Variants in ANO2 observed in about 807,000 individuals in gnomAD.
The protein encoded by ANO2 is anoctamin-2.
ANO2 carries 101 observed loss-of-function variants against 124.2 expected under a neutral mutation model. The ratio of observed to expected loss-of-function variants is 0.81; its 90% CI spans 0.69 to 0.96. The LOEUF is 0.96. Ranked by LOEUF, ANO2 falls within the 40% of genes least tolerant of loss-of-function variation. The pLI is 0.00. For synonymous variants in ANO2, 486 were observed against 482.5 expected, an observed-to-expected ratio of 1.01 and a Z score of -0.09; for missense variants, 1,293 against 1,274.5, an observed-to-expected ratio of 1.01 and a Z score of -0.22.
Position 5,635,625 on chromosome 12 carries a change from A to ACACACG in ANO2, c.1621-279_1621-278insCGTGTG. ...CACACACACACACACACACACACAC[A>ACACACG]CACAATAAGGATGAACATGCTGGAC... On this transcript the variant is annotated intron_variant, in intron 15 of 24. Coordinates refer to ENST00000682330, the MANE Select transcript of ANO2 (RefSeq NM_001364791.2). This position sits in a 1 kb window ranked among gnomAD's most constrained non-coding sequence, Gnocchi z 5.2. Among the ~76,000 whole-genome samples the ACACACG allele has an allele frequency of 6.6e-6, 1 of 151,740 alleles. No homozygotes were observed. The highest frequency in any genetic ancestry group is 2.1e-4 in the South Asian group (1 of 4,792).
At chr12:5,916,611 A>G (rs1404366851) in intron 3 of ANO2, among the ~76,000 whole-genome samples, 2 of 151,976 alleles carry the variant, frequency 1.3e-5, no homozygotes, top group Non-Finnish European at 2.9e-5. Context: ...CTATTAATGT[A>G]AGGTGTTAAT....
chr12:5,629,247 G>A (rs949734961), intron 16 of ANO2, among the ~76,000 whole-genome samples: 1 of 152,218 alleles, frequency 6.6e-6, no homozygotes, highest in East Asian at 1.9e-4. Flanking sequence ...GAGGCAGCAA[G>A]CCAACAGCAT....
At chr12:5,885,535 A>C (rs577202931) in intron 3 of ANO2, among the ~76,000 whole-genome samples, 1 of 152,326 alleles carries the variant, frequency 6.6e-6, no homozygotes, top group Admixed American at 6.5e-5. Context: ...CAATAAACTC[A>C]ACAAGTAGAC....
intron 14 of ANO2, among the ~76,000 whole-genome samples, chr12:5,688,223 T>C (rs1430871082): frequency 6.6e-6 from 1 of 152,134 alleles, no homozygotes; most frequent in Non-Finnish European, 1.5e-5. Context: ...TCACCCATTC[T>C]CTTGGGGAAT....
chr12:5,826,565 C>T (rs1278973853), intron 7 of ANO2, among the ~76,000 whole-genome samples: 7 of 151,814 alleles, frequency 4.6e-5, no homozygotes, highest in Admixed American at 3.9e-4. Context: ...CACCGTGTTC[C>T]AGACAAATAA....
intron 14 of ANO2, among the ~76,000 whole-genome samples, chr12:5,725,501 T>C (rs1950401538): frequency 6.6e-6 from 1 of 152,240 alleles, no homozygotes; most frequent in African/African-American, 2.4e-5. Context: ...TGCTCTGTGC[T>C]GACCCCAAAA....
At chr12:5,700,815 C>T (rs1949371162) in intron 14 of ANO2, among the ~76,000 whole-genome samples, 2 of 152,184 alleles carry the variant, frequency 1.3e-5, no homozygotes, top group Non-Finnish European at 2.9e-5. Context: ...CCTGTAACCA[C>T]TGCACGAGGA....
At chr12:5,567,314 C>A (rs1320952551) in intron 23 of ANO2, among the ~76,000 whole-genome samples, 1 of 152,226 alleles carries the variant, frequency 6.6e-6, no homozygotes, top group Non-Finnish European at 1.5e-5. Flanking sequence ...TCCAGATTAT[C>A]CTTGCTGATG....
At chr12:5,767,952 GA>G (rs1288160041) in intron 10 of ANO2, among the ~76,000 whole-genome samples, 1 of 152,122 alleles carries the variant, frequency 6.6e-6, no homozygotes, top group Non-Finnish European at 1.5e-5. Context: ...TTGTTCATGA[GA>G]ACCTCAGGAT....
At chr12:5,887,233 G>A (rs1938986030) in intron 3 of ANO2, among the ~76,000 whole-genome samples, 1 of 152,086 alleles carries the variant, frequency 6.6e-6, no homozygotes, top group Admixed American at 6.6e-5. Flanking sequence ...ACATAAAGAG[G>A]AGATACATTC....
chr12:5,580,899 G>T (rs981869259), intron 20 of ANO2, among the ~76,000 whole-genome samples: 1 of 152,030 alleles, frequency 6.6e-6, no homozygotes, highest in African/African-American at 2.4e-5. Context: ...CACCTGCACC[G>T]AAATACACAG....
At position 5,739,392 on chromosome 12, in the gene ANO2, C is replaced by T; in HGVS notation, c.1359G>A (p.Met453Ile). 6.2e-7 allele frequency: 1 copy of T among 1,600,742 alleles called. No individual in the cohort carries two copies. Among genetic ancestry groups the T allele is most frequent in the Non-Finnish European group, 8.5e-7 (1 of 1,173,610 alleles). Residue 453 changes from methionine to isoleucine, a missense_variant, in exon 13 of 25, where the codon ATG (methionine) becomes ATA (isoleucine). Coordinates refer to ENST00000682330, the MANE Select transcript of ANO2 (RefSeq NM_001364791.2). ...GTAGCCTCTTCCAGTTTTCCAGGAA[C>T]ATGGTAGCTTAAAAAGAACAACAAG... Reference protein sequence around the residue: ...FSIFMALWATMFLENWKRLQM... With the variant: ...FSIFMALWATIFLENWKRLQM...
chr12:5,659,858 C>A (rs987958681), intron 14 of ANO2, among the ~76,000 whole-genome samples: 4 of 152,142 alleles, frequency 2.6e-5, no homozygotes, highest in African/African-American at 4.8e-5. Context: ...GTGTGCCCTG[C>A]CTGGATTGGG....
At chr12:5,747,997 TGA>T (rs1251500874) in intron 11 of ANO2, among the ~76,000 whole-genome samples, 1 of 151,792 alleles carries the variant, frequency 6.6e-6, no homozygotes, top group Non-Finnish European at 1.5e-5. Context: ...TGCACGTGCA[TGA>T]GTGTGTGTGA....
At chr12:5,627,255 TC>T (rs1175989262) in intron 16 of ANO2, among the ~76,000 whole-genome samples, 1 of 151,564 alleles carries the variant, frequency 6.6e-6, no homozygotes, top group African/African-American at 2.4e-5. Flanking sequence ...AAGCATAGAA[TC>T]CCCCCTGGCC....
intron 3 of ANO2, among the ~76,000 whole-genome samples, chr12:5,892,105 G>A (rs1939453374): frequency 6.6e-6 from 1 of 151,588 alleles, no homozygotes. Context: ...AACCAAATGG[G>A]AATTTTATAA....
chr12:5,797,793 C>T (rs1033336594), intron 10 of ANO2, among the ~76,000 whole-genome samples: 1 of 152,180 alleles, frequency 6.6e-6, no homozygotes, highest in African/African-American at 2.4e-5. Flanking sequence ...GCCATCTGAT[C>T]TGTGAGGAGC....
intron 23 of ANO2, among the ~76,000 whole-genome samples, chr12:5,575,410 G>T (rs1236387272): frequency 3.9e-5 from 6 of 152,212 alleles, no homozygotes; most frequent in Admixed American, 3.9e-4. Context: ...AAAGGAGAAT[G>T]ATGTACAGTC....
chr12:5,924,423 G>C (rs542109225), intron 1 of ANO2, among the ~76,000 whole-genome samples: 1 of 152,318 alleles, frequency 6.6e-6, no homozygotes, highest in African/African-American at 2.4e-5. Flanking sequence ...TCGGCTTCTG[G>C]GGTAACTGAG....
Sources: allele counts gnomAD v4.1 joint callset (sites outside exome capture counted in the v4.1 genomes callset), GRCh38; gene constraint gnomAD v4.1.1; non-coding constraint Gnocchi (gnomAD v3.1); transcripts MANE v1.5; gene names NCBI Gene and HGNC (gene_info 2026-07-23, HGNC 2026-07-21).